The following ZBBX variants were observed in gnomAD, a reference collection of about 807,000 sequenced individuals.
The protein encoded by ZBBX is zinc finger B-box domain-containing protein 1.
A neutral mutation model predicts 108.5 loss-of-function variants in ZBBX; 101 were observed. The ratio of observed to expected loss-of-function variants is 0.93; its 90% CI spans 0.79 to 1.10. The LOEUF is 1.10. Among genes scored for constraint, ZBBX ranks in the 50% least tolerant of loss-of-function variants. The pLI is 0.00. For synonymous variants in ZBBX, 356 were observed against 323.4 expected (o/e 1.10, Z -1.08); for missense variants, 1,009 against 941.4 (o/e 1.07, Z -0.94).
At chr3:167,179,604 C>G in the ZBBX span, among the ~76,000 whole-genome samples, 759 of 152,262 alleles carry the variant, frequency 5.0e-3, 6 homozygotes, top group African/African-American at 0.018. Flanking sequence ...GTGAAATGAA[C>G]CACATATGAA....
intron 17 of ZBBX, among the ~76,000 whole-genome samples, chr3:167,304,052 A>C (rs1238634416): frequency 6.6e-6 from 1 of 152,194 alleles, no homozygotes; most frequent in Admixed American, 6.5e-5. Flanking sequence ...TTCGAATGTT[A>C]GAAATTTTTA....
At chr3:167,244,404 T>C (rs906618726) in intron 20 of ZBBX, among the ~76,000 whole-genome samples, 1 of 152,204 alleles carries the variant, frequency 6.6e-6, no homozygotes, top group Admixed American at 6.5e-5. Flanking sequence ...AATGCTTTGA[T>C]CTAAAGAATA....
the ZBBX span, among the ~76,000 whole-genome samples, chr3:167,191,934 T>TATATAGAGAGAGAGAGAG: frequency 1.1e-4 from 14 of 130,222 alleles, no homozygotes; most frequent in African/African-American, 4.3e-4. Flanking sequence ...TATATATATA[T>TATATAGAGAGAGAGAGAG]AGAGCAAGTT....
At chr3:167,299,974 C>T (rs902312954) in intron 17 of ZBBX, among the ~76,000 whole-genome samples, 3 of 152,102 alleles carry the variant, frequency 2.0e-5, no homozygotes, top group Non-Finnish European at 4.4e-5. Flanking sequence ...TTTTGCAACT[C>T]TTCAAATTCT....
chr3:167,295,738 TATATATATATATATATATATAAAA>T (rs1370032408), intron 18 of ZBBX, among the ~76,000 whole-genome samples: 2,520 of 25,532 alleles, frequency 0.099, 314 homozygotes, highest in East Asian at 0.3. Context: ...TATATATATA[TATATATATATATATATATATAAAA>T]AAAACTAGTA....
At chr3:167,253,722 G>A (rs961739110) in intron 20 of ZBBX, among the ~76,000 whole-genome samples, 1 of 152,022 alleles carries the variant, frequency 6.6e-6, no homozygotes, top group Non-Finnish European at 1.5e-5. Context: ...ATGGAAGGTA[G>A]GAACAAAGCC....
chr3:167,255,140 A>T (rs1478447861), intron 20 of ZBBX, among the ~76,000 whole-genome samples: 1 of 152,162 alleles, frequency 6.6e-6, no homozygotes, highest in African/African-American at 2.4e-5. Context: ...GCAGGGAAAA[A>T]TTATATGATA....
At chr3:167,383,908 A>G (rs1049219554), upstream of ZBBX, among the ~76,000 whole-genome samples, 4 of 152,098 alleles carry the variant, frequency 2.6e-5, no homozygotes, top group African/African-American at 9.6e-5. Flanking sequence ...ACGTTCAAAA[A>G]GAATGGGAGC....
intron 16 of ZBBX, among the ~76,000 whole-genome samples, chr3:167,308,937 C>T (rs974550901): frequency 6.6e-6 from 1 of 152,040 alleles, no homozygotes; most frequent in East Asian, 1.9e-4. Flanking sequence ...ACACGTGTGT[C>T]CCTGAACTTA....
intron 8 of ZBBX, among the ~76,000 whole-genome samples, chr3:167,357,457 T>C (rs1203266418): frequency 6.6e-6 from 1 of 152,000 alleles, no homozygotes; most frequent in Non-Finnish European, 1.5e-5. Context: ...CAAGACTGAA[T>C]GGAGAGAATT....
intron 18 of ZBBX, among the ~76,000 whole-genome samples, chr3:167,295,536 TG>T (rs1160909612): frequency 1.3e-5 from 2 of 149,104 alleles, no homozygotes; most frequent in African/African-American, 5.0e-5. Context: ...TGGGGGGTGG[TG>T]GGATAAGGGA....
chr3:167,311,662 C>A (rs1320544716), intron 16 of ZBBX, among the ~76,000 whole-genome samples: 2 of 151,508 alleles, frequency 1.3e-5, no homozygotes, highest in African/African-American at 2.4e-5. Flanking sequence ...ATACAGTTGG[C>A]AAATAAGCAT....
chr3:167,400,964 C>A (rs1271478433), intron 1 of ZBBX, among the ~76,000 whole-genome samples: 1 of 152,108 alleles, frequency 6.6e-6, no homozygotes, highest in Admixed American at 6.6e-5. Flanking sequence ...TTGCCCTAAG[C>A]AGTTCCCAGC....
intron 20 of ZBBX, among the ~76,000 whole-genome samples, chr3:167,272,870 C>T (rs1169291554): frequency 6.6e-6 from 1 of 152,124 alleles, no homozygotes; most frequent in Non-Finnish European, 1.5e-5. Flanking sequence ...ACCTCATCAG[C>T]GAGTGGTTGT....
At chr3:167,236,739 G>T (rs1392940414), downstream of ZBBX, among the ~76,000 whole-genome samples, 1 of 151,706 alleles carries the variant, frequency 6.6e-6, no homozygotes, top group East Asian at 1.9e-4. Context: ...CGAGGCATCT[G>T]CTGGAGGCTG....
chr3:167,344,885 T>C (rs1043803059), intron 9 of ZBBX, among the ~76,000 whole-genome samples: 3 of 151,936 alleles, frequency 2.0e-5, no homozygotes, highest in African/African-American at 7.2e-5. Context: ...ATAAGTATGT[T>C]GCCTAGGAAT....
At chr3:167,204,372 C>A in the ZBBX span, among the ~76,000 whole-genome samples, 1 of 147,894 alleles carries the variant, frequency 6.8e-6, no homozygotes, top group African/African-American at 2.5e-5. Context: ...GGTATATGTC[C>A]CAATGCTATC....
At chr3:167,183,869 A>G in the ZBBX span, among the ~76,000 whole-genome samples, 2 of 152,080 alleles carry the variant, frequency 1.3e-5, no homozygotes, top group Non-Finnish European at 2.9e-5. Context: ...AGATTTGGGG[A>G]CCTGTTTATG....
At chr3:167,249,513 T>C (rs9881099) in intron 20 of ZBBX, among the ~76,000 whole-genome samples, 73 of 152,230 alleles carry the variant, frequency 4.8e-4, no homozygotes, top group African/African-American at 1.7e-3. Flanking sequence ...AAATCTTTGC[T>C]CTAGACAAAC....
Sources: gnomAD v4.1 joint callset for allele counts (sites outside exome capture counted in the v4.1 genomes callset) on GRCh38, gnomAD v4.1.1 for gene constraint, MANE v1.5 for transcripts, NCBI Gene and HGNC (gene_info 2026-07-23, HGNC 2026-07-21) for gene names.